The following FAM3D variants were observed in gnomAD, a reference collection of about 807,000 sequenced individuals.
FAM3D encodes protein FAM3D.
FAM3D carries 26 observed loss-of-function variants against 29.8 expected under a neutral mutation model. The ratio of observed to expected loss-of-function variants is 0.87; its 90% confidence interval spans 0.64 to 1.21. The LOEUF (loss-of-function observed/expected upper bound fraction) is 1.21. Among genes scored for constraint, FAM3D ranks in the 50% most tolerant of loss-of-function variants. The probability of loss-of-function intolerance (pLI) is 0.00; values close to 1 mark genes in which losing one functional copy is unlikely to be tolerated. For missense variants in FAM3D, 253 were observed against 290.9 expected (o/e 0.87, Z 0.95); for synonymous variants, 115 against 102.3 (o/e 1.12, Z -0.75).
Position 58,634,275 on chromosome 3 carries a change from C to T in FAM3D, c.*4G>A. 6.2e-7 allele frequency: 1 copy of T among 1,613,550 alleles called. No individual in the cohort carries two copies. Among genetic ancestry groups the T allele is most frequent in the Non-Finnish European group, 8.5e-7 (1 of 1,179,864 alleles). On this transcript the variant is annotated 3_prime_UTR_variant, in exon 10 of 10. Coordinates refer to ENST00000358781, the MANE Select transcript of FAM3D (RefSeq NM_138805.3). This position sits in a 1 kb window ranked among gnomAD's most constrained non-coding sequence, Gnocchi z 4.6. ...CCCCTGGCTGAGGAAGAGCCACAGC[C>T]ACCCTAAAATGGCTTCGGGGGCATG...
chr3:58,664,482 G>T lies in FAM3D; in HGVS notation c.-39+2094C>A, dbSNP rs142533666. 1.9e-4 allele frequency among the ~76,000 whole-genome samples: 29 copies of T among 152,348 alleles called. No individual in the cohort carries two copies. The East Asian group carries it at 5.6e-3, about 29-fold the overall frequency. On this transcript the variant is annotated intron_variant, in intron 1 of 9. Coordinates refer to ENST00000358781, the MANE Select transcript of FAM3D (RefSeq NM_138805.3). Reference sequence around the variant, plus strand: ...TAGAAGGTGCACAGCTTGGACAACAGCACTGTCCTATATTGTGCACCTACT... The same window carrying T: ...TAGAAGGTGCACAGCTTGGACAACATCACTGTCCTATATTGTGCACCTACT...
rs116057390 is a variant in FAM3D, at chr3:58,659,063, G to A, written c.-38-3462C>T. Among the ~76,000 whole-genome samples, 538 of 152,296 alleles carry A rather than the reference G, an allele frequency of 3.5e-3. 3 individuals are homozygous for A. Among genetic ancestry groups the A allele is most frequent in the African/African-American group, 0.012 (517 of 41,570 alleles). ...CCACTTACTAGTTGTGTGTTTTTCC[G>A]CACATCTCTCCAGGCTTTGATTTCT... On this transcript the variant is annotated intron_variant, in intron 1 of 9. Coordinates refer to ENST00000358781, the MANE Select transcript of FAM3D (RefSeq NM_138805.3).
At chr3:58,660,694 A>C (rs2106949645) in intron 1 of FAM3D, among the ~76,000 whole-genome samples, 1 of 152,300 alleles carries the variant, frequency 6.6e-6, no homozygotes, top group African/African-American at 2.4e-5. Flanking sequence ...CATGGCGGGA[A>C]ATGCAAGAAG....
intron 7 of FAM3D, among the ~76,000 whole-genome samples, chr3:58,638,371 C>T (rs138695482): frequency 1.3e-5 from 2 of 152,242 alleles, no homozygotes; most frequent in East Asian, 1.9e-4. Flanking sequence ...CGAGTGGGCT[C>T]AAGTTTGGGA....
At chr3:58,650,092 T>A (rs145174167) in intron 3 of FAM3D, among the ~76,000 whole-genome samples, 3 of 152,342 alleles carry the variant, frequency 2.0e-5, no homozygotes, top group Non-Finnish European at 4.4e-5. Context: ...TTATACCATA[T>A]CCTAGTTGTT....
chr3:58,646,850 G>C (rs1269481309), intron 4 of FAM3D, among the ~76,000 whole-genome samples: 1 of 152,226 alleles, frequency 6.6e-6, no homozygotes, highest in Admixed American at 6.5e-5. Context: ...TAGGCAGTGG[G>C]TAGTCTTCAC....
At chr3:58,662,887 C>A (rs1283676916) in intron 1 of FAM3D, among the ~76,000 whole-genome samples, 2 of 152,178 alleles carry the variant, frequency 1.3e-5, no homozygotes, top group Non-Finnish European at 2.9e-5. Context: ...CCAAGAAGAC[C>A]AGAGCCTTCC....
intron 4 of FAM3D, among the ~76,000 whole-genome samples, chr3:58,645,868 C>T (rs2066464144): frequency 6.6e-6 from 1 of 152,224 alleles, no homozygotes; most frequent in South Asian, 2.1e-4. Flanking sequence ...GGCTTCCCTT[C>T]ACAGCTCCAG....
At chr3:58,641,474 C>G (rs1374727717) in intron 6 of FAM3D, among the ~76,000 whole-genome samples, 1 of 152,028 alleles carries the variant, frequency 6.6e-6, no homozygotes, top group Non-Finnish European at 1.5e-5. Flanking sequence ...AATCCTCCCA[C>G]CTCAGCCTTA....
intron 3 of FAM3D, 110 bp from the exon 4 acceptor site, chr3:58,649,448 G>T (rs755098964): frequency 1.5e-6 from 2 of 1,340,320 alleles, no homozygotes; most frequent in Admixed American, 2.0e-5. Context: ...TTAAATTGGC[G>T]CCATTGAAAT....
chr3:58,657,984 G>C (rs567016566), intron 1 of FAM3D, among the ~76,000 whole-genome samples: 1 of 152,332 alleles, frequency 6.6e-6, no homozygotes, highest in South Asian at 2.1e-4. Flanking sequence ...GCATGGCTAA[G>C]TCCGCTTAGG....
At chr3:58,648,004 A>C (rs957910156) in intron 4 of FAM3D, among the ~76,000 whole-genome samples, 1 of 152,322 alleles carries the variant, frequency 6.6e-6, no homozygotes, top group South Asian at 2.1e-4. Context: ...TTAAAGGCTT[A>C]ATGATAAATC....
At chr3:58,652,593 A>G (rs1310968959) in intron 3 of FAM3D, among the ~76,000 whole-genome samples, 1 of 151,250 alleles carries the variant, frequency 6.6e-6, no homozygotes, top group Non-Finnish European at 1.5e-5. Context: ...CCATCTACCC[A>G]TCTACCCATC....
chr3:58,635,998 G>T lies in FAM3D; in HGVS notation c.585+296C>A, dbSNP rs981213768. 6.6e-6 allele frequency among the ~76,000 whole-genome samples: 1 copy of T among 152,310 alleles called. No individual in the cohort carries two copies. The highest frequency in any genetic ancestry group is 3.4e-3 in the Middle Eastern group (1 of 294). On this transcript the variant is annotated intron_variant, in intron 9 of 9. Transcript: ENST00000358781. This position sits in a 1 kb window ranked among gnomAD's most constrained non-coding sequence, Gnocchi z 5.2. The stretch of plus-strand genomic sequence containing the variant: ...AGCTCCATGTCTCCATTTCTTTCTC[G>T]TTCCTTCATGCCTCACTTGCCCATC...
rs749602829 is a variant in FAM3D at position 58,643,719 on chromosome 3, T to A, written c.265A>T (p.Ile89Phe). ...ACATTGTTTTTCACAGGACTCATGA[T>A]CCTGAAGACAATGAAGAAGAAATAT... ...GPTMCFEDRM[I>F]MSPVKNNVGR... The change falls in exon 6 of 10, where the codon ATC (isoleucine) becomes TTC (phenylalanine). Residue 89 changes from isoleucine to phenylalanine, a missense_variant and splice_region_variant. Physicochemically the swap from Ile to Phe is conservative, Grantham distance 21. Transcript: ENST00000358781. 1 of 1,613,994 alleles carries A rather than the reference T, an allele frequency of 6.2e-7. No individual in the cohort carries two copies. The highest frequency in any genetic ancestry group is 1.7e-5 in the Admixed American group (1 of 60,024).
Position 58,634,174 on chromosome 3 carries a change from C to T in FAM3D, c.*105G>A. On this transcript the variant is annotated 3_prime_UTR_variant, in exon 10 of 10. Transcript: ENST00000358781. The surrounding 1 kb of genome is among the most constrained non-coding windows in gnomAD (Gnocchi z 4.6). ...GCGTGCAAGGACCTGCAGCACCTTCCACGCAGCACCCCCTGCTCCTCCTCC... is the reference window on the plus strand; with the variant it reads ...GCGTGCAAGGACCTGCAGCACCTTCTACGCAGCACCCCCTGCTCCTCCTCC... 9.9e-7 allele frequency: 1 copy of T among 1,012,284 alleles called. No individual in the cohort carries two copies. The highest frequency in any genetic ancestry group is 1.5e-6 in the Non-Finnish European group (1 of 677,944). 62.7% of individuals were successfully genotyped at this position (1,012,284 alleles called of 1,614,324 possible).
At position 58,649,298 on chromosome 3, in the gene FAM3D, G is replaced by A; in HGVS notation, c.145+17C>T. 6.2e-7 allele frequency: 1 copy of A among 1,613,310 alleles called. No homozygotes were observed. Among genetic ancestry groups the A allele is most frequent in the Non-Finnish European group, 8.5e-7 (1 of 1,179,550 alleles). The stretch of plus-strand genomic sequence containing the variant: ...TGGATGAGGTCGGGGGAGGTGTGGG[G>A]CTGCACAGATACTCACGGATCTCCT... On this transcript the variant is annotated intron_variant, in intron 4 of 9. Transcript: ENST00000358781.
In FAM3D at chr3:58,638,781, C is replaced by T. The variant is rs149438864; in HGVS notation, c.373+1346G>A. On this transcript the variant is annotated intron_variant, in intron 7 of 9. Coordinates refer to ENST00000358781, the MANE Select transcript of FAM3D (RefSeq NM_138805.3). ...CCATTCTCCCAACTAAGGCCAGCTG[C>T]CAGCCAGCTCAGTGACAGAGGTTTC... is the stretch of plus-strand genomic sequence containing the variant. Among the ~76,000 whole-genome samples, 632 of 152,336 alleles carry T rather than the reference C, an allele frequency of 4.1e-3. 7 individuals carry two copies. The highest frequency in any genetic ancestry group is 0.04 in the South Asian group (192 of 4,818).
At chr3:58,645,755 C>A (rs762838006) in intron 4 of FAM3D, 129 bp from the exon 5 acceptor site, 10 of 788,122 alleles carry the variant, frequency 1.3e-5, no homozygotes, top group South Asian at 3.2e-5. Flanking sequence ...TCTGGGGGAG[C>A]CTTCGCTGAT....
Sources: allele counts gnomAD v4.1 joint callset (sites outside exome capture counted in the v4.1 genomes callset), GRCh38; gene constraint gnomAD v4.1.1; non-coding constraint Gnocchi (gnomAD v3.1); transcripts MANE v1.5; gene names NCBI Gene and HGNC (gene_info 2026-07-23, HGNC 2026-07-21).